Variants in RNF150 observed in about 807,000 individuals in gnomAD.
The protein encoded by RNF150 is ring finger protein 150.
A neutral mutation model predicts 39.3 loss-of-function variants in RNF150; 24 were observed. The observed-to-expected ratio is 0.61, with a 90% CI of 0.44 to 0.86. RNF150 has a LOEUF of 0.86. RNF150 is among the 40% of genes least tolerant of loss of function. RNF150 has a pLI of 0.00. For synonymous variants in RNF150, 255 were observed against 227.3 expected (o/e 1.12, Z -1.10); for missense variants, 502 against 587.8 (o/e 0.85, Z 1.51).
chr4:141,084,875 A>C (rs186185353), intron 1 of RNF150, among the ~76,000 whole-genome samples: 9 of 152,298 alleles, frequency 5.9e-5, no homozygotes, highest in Admixed American at 5.2e-4. Flanking sequence ...CATAAAGAGG[A>C]GAGGTCTACA....
Position 140,868,146 on chromosome 4 carries a change from C to T in RNF150, c.*115G>A. 2.9e-6 allele frequency: 2 copies of T among 693,944 alleles called. No homozygotes were observed. The highest frequency in any genetic ancestry group is 5.2e-6 in the Non-Finnish European group (2 of 382,554). 43.0% of individuals were successfully genotyped at this position (693,944 alleles called of 1,614,324 possible). ...TTCGTCAGCATTCTTGAACGGAGCG[C>T]CCTGGAGTTGCCAAGGTGATCTGGA... On this transcript the variant is annotated 3_prime_UTR_variant, in exon 7 of 7. Coordinates refer to ENST00000515673, the MANE Select transcript of RNF150 (RefSeq NM_020724.2).
At chr4:140,869,601 A>T (rs1033181576) in intron 6 of RNF150, among the ~76,000 whole-genome samples, 5 of 152,222 alleles carry the variant, frequency 3.3e-5, no homozygotes, top group Admixed American at 6.5e-5. Context: ...ATTACAACAC[A>T]GTGAGATAAG....
upstream of RNF150, among the ~76,000 whole-genome samples, chr4:141,136,811 C>T (rs765395720): frequency 6.6e-6 from 1 of 152,104 alleles, no homozygotes; most frequent in African/African-American, 2.4e-5. Flanking sequence ...CAGATAATGA[C>T]ATCTGCTATG....
chr4:141,035,583 C>T (rs558013698), intron 1 of RNF150, among the ~76,000 whole-genome samples: 5 of 152,190 alleles, frequency 3.3e-5, no homozygotes, highest in East Asian at 1.9e-4. Context: ...TATCAGAACA[C>T]GAGATAACAA....
intron 1 of RNF150, among the ~76,000 whole-genome samples, chr4:141,120,975 G>C (rs1726587044): frequency 9.4e-6 from 1 of 106,240 alleles, no homozygotes; most frequent in Admixed American, 1.2e-4. Flanking sequence ...CCAGGCAAGA[G>C]CTCATGATAG....
intron 1 of RNF150, among the ~76,000 whole-genome samples, chr4:141,151,468 A>T (rs1237295870): frequency 7.9e-6 from 1 of 125,948 alleles, no homozygotes; most frequent in Non-Finnish European, 1.8e-5. Flanking sequence ...ACACAGACAC[A>T]CACACAAATT....
chr4:141,194,784 A>G (rs1728170463), intron 1 of RNF150, among the ~76,000 whole-genome samples: 1 of 152,174 alleles, frequency 6.6e-6, no homozygotes, highest in Admixed American at 6.5e-5. Context: ...CTATTCACTT[A>G]AAAGGTAAAT....
intron 1 of RNF150, among the ~76,000 whole-genome samples, chr4:140,979,005 T>C (rs1733764836): frequency 6.6e-6 from 1 of 152,148 alleles, no homozygotes. Flanking sequence ...AAAAACAATA[T>C]ATAGTCGTTC....
intron 6 of RNF150, among the ~76,000 whole-genome samples, chr4:140,879,636 A>C (rs908571187): frequency 4.0e-5 from 6 of 151,874 alleles, no homozygotes; most frequent in African/African-American, 2.4e-5. Context: ...CAGCCTGGGC[A>C]ACATAGCAAG....
chr4:140,992,717 G>T (rs80171131), intron 1 of RNF150, among the ~76,000 whole-genome samples: 2,242 of 152,208 alleles, frequency 0.015, 52 homozygotes, highest in African/African-American at 0.051. Flanking sequence ...CAAAGAATGG[G>T]CTGGACACAG....
chr4:140,885,462 G>A (rs1276706181), intron 6 of RNF150, among the ~76,000 whole-genome samples: 3 of 123,118 alleles, frequency 2.4e-5, no homozygotes, highest in South Asian at 2.5e-4. Flanking sequence ...TTGAGACGGA[G>A]TTTTGCTCTT....
At chr4:141,055,920 T>C (rs1736948285) in intron 1 of RNF150, among the ~76,000 whole-genome samples, 1 of 152,198 alleles carries the variant, frequency 6.6e-6, no homozygotes, top group South Asian at 2.1e-4. Context: ...GGTGTGCACT[T>C]TGAAAATAGT....
At chr4:140,959,011 G>T (rs763975408) in intron 2 of RNF150, among the ~76,000 whole-genome samples, 3 of 152,100 alleles carry the variant, frequency 2.0e-5, no homozygotes, top group South Asian at 4.1e-4. Flanking sequence ...GATATAAAAG[G>T]TTTCCTTCAC....
intron 6 of RNF150, among the ~76,000 whole-genome samples, chr4:140,872,492 C>T (rs1478534816): frequency 1.3e-5 from 2 of 152,186 alleles, no homozygotes; most frequent in Non-Finnish European, 2.9e-5. Flanking sequence ...TAAGAGGTCA[C>T]TCTTGCTGTT....
At chr4:141,139,092 G>A (rs1040427253) in intron 1 of RNF150, among the ~76,000 whole-genome samples, 1 of 152,132 alleles carries the variant, frequency 6.6e-6, no homozygotes, top group Non-Finnish European at 1.5e-5. Context: ...ACAAGTGCCT[G>A]TAGTCCCAAC....
At chr4:141,103,492 T>C (rs1287618992) in intron 1 of RNF150, among the ~76,000 whole-genome samples, 1 of 152,192 alleles carries the variant, frequency 6.6e-6, no homozygotes, top group East Asian at 1.9e-4. Context: ...AGAGTCATAA[T>C]GCTTGCTACT....
intron 4 of RNF150, among the ~76,000 whole-genome samples, chr4:140,932,401 G>T (rs1731683326): frequency 6.6e-6 from 1 of 152,152 alleles, no homozygotes; most frequent in Non-Finnish European, 1.5e-5. Context: ...CTATGAAGTA[G>T]AAATTATTAT....
chr4:141,144,743 G>A lies in RNF150; in HGVS notation c.-6+68051C>T, dbSNP rs1040729258. On this transcript the variant is annotated intron_variant, in intron 1 of 7. Coordinates refer to the RNF150 transcript ENST00000420921. The stretch of plus-strand genomic sequence containing the variant: ...TGGAAAATATTTTCTATAGGGCTTC[G>A]TGGTTCTTTCCTAGATACTAGACAC... 4.6e-5 allele frequency among the ~76,000 whole-genome samples: 7 copies of A among 152,022 alleles called. No individual in the cohort carries two copies. In the South Asian group the frequency reaches 1.0e-3, roughly 23 times the overall value.
At chr4:141,025,452 C>A (rs1356449636) in intron 1 of RNF150, among the ~76,000 whole-genome samples, 2 of 151,690 alleles carry the variant, frequency 1.3e-5, no homozygotes, top group Non-Finnish European at 2.9e-5. Context: ...TTCAGTCAAA[C>A]ATTTGCAGTG....
Sources: gnomAD v4.1 joint callset for allele counts (sites outside exome capture counted in the v4.1 genomes callset) on GRCh38, gnomAD v4.1.1 for gene constraint, MANE v1.5 for transcripts, NCBI Gene and HGNC (gene_info 2026-07-23, HGNC 2026-07-21) for gene names.